BABAM2: variants seen among roughly 807,000 people sequenced by gnomAD.
BABAM2 encodes the protein BRISC and BRCA1 A complex member 2.
BABAM2 carries 31 observed loss-of-function variants against 54.7 expected under a neutral mutation model. The observed-to-expected ratio is 0.57, with a 90% CI of 0.43 to 0.77. The LOEUF is 0.77. Ranked by LOEUF, BABAM2 falls within the 30% of genes least tolerant of loss-of-function variation. The probability of loss-of-function intolerance (pLI) is 0.00; values close to 1 mark genes in which losing one functional copy is unlikely to be tolerated. For synonymous variants in BABAM2, 167 were observed against 162.9 expected (o/e 1.03, Z -0.19); for missense variants, 364 against 455.8 (o/e 0.80, Z 1.83).
intron 7 of BABAM2, among the ~76,000 whole-genome samples, chr2:28,131,045 A>G (rs573437310): frequency 1.4e-5 from 2 of 145,074 alleles, no homozygotes; most frequent in Admixed American, 7.0e-5. Context: ...CTGGCCCCAA[A>G]GAGTGTTTTA....
At chr2:28,299,218 G>A (rs1462261417) in intron 11 of BABAM2, among the ~76,000 whole-genome samples, 1 of 152,210 alleles carries the variant, frequency 6.6e-6, no homozygotes, top group Non-Finnish European at 1.5e-5. Flanking sequence ...ATTTCATAGA[G>A]GTCGAAGTTA....
In BABAM2 at chr2:28,304,622, G is replaced by T. The variant is rs1688368865; in HGVS notation, c.1088+6131G>T. Among the ~76,000 whole-genome samples, 1 of 151,830 alleles carries T rather than the reference G, an allele frequency of 6.6e-6. No individual in the cohort carries two copies. Among genetic ancestry groups the T allele is most frequent in the African/African-American group, 2.4e-5 (1 of 41,322 alleles). On this transcript the variant is annotated intron_variant, in intron 11 of 11. Transcript: ENST00000379624. This position sits in a 1 kb window ranked among gnomAD's most constrained non-coding sequence, Gnocchi z 4.0. ...GATGGAGTCTCACTCTGTCACCCAG[G>T]CTGGAATGCAGTGGCATTATCTTGG... is the stretch of plus-strand genomic sequence containing the variant.
At chr2:28,338,308 C>T (rs971286440) in intron 11 of BABAM2, 142 bp from the exon 12 acceptor site, 14 of 763,316 alleles carry the variant, frequency 1.8e-5, no homozygotes, top group Non-Finnish European at 6.8e-6. Flanking sequence ...GGCTTTGCCT[C>T]AGCAGAGAAG....
chr2:28,108,264 G>T (rs1470729363), intron 6 of BABAM2, among the ~76,000 whole-genome samples: 4 of 152,100 alleles, frequency 2.6e-5, no homozygotes, highest in African/African-American at 9.7e-5. Context: ...TGCCTATTTA[G>T]TATAAAATTT....
intron 6 of BABAM2, among the ~76,000 whole-genome samples, chr2:28,128,036 T>G (rs1372609345): frequency 1.3e-5 from 2 of 152,022 alleles, no homozygotes; most frequent in Non-Finnish European, 2.9e-5. Context: ...ATGGTCTCGA[T>G]TTCCTGACCT....
chr2:28,179,658 A>T (rs1215193657), intron 7 of BABAM2, among the ~76,000 whole-genome samples: 2 of 152,174 alleles, frequency 1.3e-5, no homozygotes, highest in Non-Finnish European at 2.9e-5. Context: ...AAATAAAGGC[A>T]TAACAATCAG....
At chr2:27,953,571 C>G (rs1669893581) in intron 3 of BABAM2, among the ~76,000 whole-genome samples, 1 of 151,298 alleles carries the variant, frequency 6.6e-6, no homozygotes, top group African/African-American at 2.4e-5. Flanking sequence ...GGATTATAGG[C>G]ATGAACCACC....
chr2:27,989,627 G>A (rs918448023), intron 4 of BABAM2, among the ~76,000 whole-genome samples: 4 of 152,078 alleles, frequency 2.6e-5, no homozygotes, highest in Non-Finnish European at 4.4e-5. Flanking sequence ...AAATGATGAA[G>A]GGAGAATCAT....
chr2:28,321,779 CTT>C (rs10562139), intron 11 of BABAM2, among the ~76,000 whole-genome samples: 2,011 of 152,166 alleles, frequency 0.013, 55 homozygotes, highest in African/African-American at 0.045. Context: ...TAAAAATAAA[CTT>C]AGCAAAGGAT....
rs562500142 is a variant in BABAM2, at chr2:27,970,718, T to C, written c.206-17275T>C. Among the ~76,000 whole-genome samples, 51 of 152,284 alleles carry C rather than the reference T, an allele frequency of 3.3e-4. No individual in the cohort carries two copies. The South Asian group carries it at 6.8e-3, about 20-fold the overall frequency. On this transcript the variant is annotated intron_variant, in intron 3 of 11. Transcript: ENST00000379624. Reference sequence around the variant, plus strand: ...CATTAATATCCTTTTAGCTTTTTTTTCCCCAGATCTGTGATCCAGTGAAAG... The same window carrying C: ...CATTAATATCCTTTTAGCTTTTTTTCCCCCAGATCTGTGATCCAGTGAAAG...
At chr2:27,932,350 G>A (rs536798741) in intron 3 of BABAM2, among the ~76,000 whole-genome samples, 14 of 152,140 alleles carry the variant, frequency 9.2e-5, no homozygotes, top group South Asian at 6.2e-4. Flanking sequence ...ATAAAATTTA[G>A]AGATTCAAAA....
intron 7 of BABAM2, among the ~76,000 whole-genome samples, chr2:28,201,635 T>C (rs1678280996): frequency 6.6e-6 from 1 of 152,110 alleles, no homozygotes; most frequent in Non-Finnish European, 1.5e-5. Flanking sequence ...GGCTTTTTAA[T>C]ATAAAGGAAA....
intron 11 of BABAM2, among the ~76,000 whole-genome samples, chr2:28,319,011 C>T (rs758182934): frequency 2.6e-5 from 4 of 152,158 alleles, no homozygotes; most frequent in East Asian, 1.9e-4. Flanking sequence ...TAACTCTAAG[C>T]GGTGGGGCAG....
intron 3 of BABAM2, among the ~76,000 whole-genome samples, chr2:27,949,767 C>A (rs1333325134): frequency 6.6e-6 from 1 of 151,694 alleles, no homozygotes. Flanking sequence ...AAAAATAGTT[C>A]TTTTGTAGTG....
At chr2:27,893,088 A>G (rs1175298666) in intron 1 of BABAM2, among the ~76,000 whole-genome samples, 1 of 152,212 alleles carries the variant, frequency 6.6e-6, no homozygotes, top group East Asian at 1.9e-4. Context: ...ATAATGTATG[A>G]AAACTAGAAC....
chr2:28,036,690 C>A (rs531178978), intron 5 of BABAM2, among the ~76,000 whole-genome samples: 2 of 152,272 alleles, frequency 1.3e-5, no homozygotes, highest in East Asian at 3.9e-4. Flanking sequence ...GGAACTGAGG[C>A]CATGCTATGT....
intron 10 of BABAM2, among the ~76,000 whole-genome samples, chr2:28,296,066 GC>G (rs1336422165): frequency 6.6e-6 from 1 of 152,210 alleles, no homozygotes; most frequent in Non-Finnish European, 1.5e-5. Context: ...CTGAGATCGT[GC>G]CATTGCACTC....
chr2:28,162,318 C>T (rs1673179711), intron 7 of BABAM2, among the ~76,000 whole-genome samples: 1 of 152,108 alleles, frequency 6.6e-6, no homozygotes. Context: ...GAAACCAGAA[C>T]TTAAGTAACG....
At chr2:28,116,911 GATC>G (rs1367054759) in intron 6 of BABAM2, among the ~76,000 whole-genome samples, 7 of 152,308 alleles carry the variant, frequency 4.6e-5, no homozygotes, top group Non-Finnish European at 8.8e-5. Context: ...ATAGCTAGAA[GATC>G]ATCATATTCG....
Sources: allele counts gnomAD v4.1 joint callset (sites outside exome capture counted in the v4.1 genomes callset), GRCh38; gene constraint gnomAD v4.1.1; non-coding constraint Gnocchi (gnomAD v3.1); transcripts MANE v1.5; gene names NCBI Gene and HGNC (gene_info 2026-07-23, HGNC 2026-07-21).